Variants in DHRSX observed in about 807,000 individuals in gnomAD.
The protein encoded by DHRSX is dehydrogenase/reductase X-linked.
DHRSX carries 31 observed loss-of-function variants against 34.0 expected under a neutral mutation model. The observed-to-expected ratio is 0.91, with a 90% CI of 0.69 to 1.23. The LOEUF (loss-of-function observed/expected upper bound fraction) is 1.23, where lower values mean the gene tolerates loss of function less well. Among genes scored for constraint, DHRSX ranks in the 50% most tolerant of loss-of-function variants. DHRSX has a pLI of 0.00. For missense variants in DHRSX, 414 were observed against 428.1 expected (o/e 0.97, Z 0.29); for synonymous variants, 201 against 183.8 (o/e 1.09, Z -0.76).
At chrX:2,291,187 T>A (rs1455652688) in intron 4 of DHRSX, among the ~76,000 whole-genome samples, 2 of 152,166 alleles carry the variant, frequency 1.3e-5, no homozygotes, top group East Asian at 3.8e-4. Context: ...GTGGTGATGG[T>A]TTTGTAAGAT....
At chrX:2,418,204 T>C (rs1479949482) in intron 2 of DHRSX, among the ~76,000 whole-genome samples, 2 of 151,418 alleles carry the variant, frequency 1.3e-5, no homozygotes, top group Non-Finnish European at 3.0e-5. Flanking sequence ...AATCAAACCA[T>C]ACCTCATAAT....
intron 4 of DHRSX, among the ~76,000 whole-genome samples, chrX:2,289,932 C>T (rs1319114180): frequency 3.3e-5 from 5 of 152,214 alleles, no homozygotes; most frequent in Admixed American, 6.5e-5. Flanking sequence ...ACTGATAATA[C>T]GATGTTTCTT....
intron 2 of DHRSX, among the ~76,000 whole-genome samples, chrX:2,413,202 G>A (rs1426305002): frequency 6.6e-6 from 1 of 151,982 alleles, no homozygotes; most frequent in African/African-American, 2.4e-5. Context: ...TCAAAAAAAA[G>A]AAAGAAAGAA....
chrX:2,347,514 C>T (rs1311758159), intron 3 of DHRSX, among the ~76,000 whole-genome samples: 1 of 152,160 alleles, frequency 6.6e-6, no homozygotes, highest in Non-Finnish European at 1.5e-5. Flanking sequence ...GCCAATTTGG[C>T]AAAAGCCCGT....
chrX:2,283,013 G>C (rs972284026), intron 4 of DHRSX, among the ~76,000 whole-genome samples: 1 of 151,398 alleles, frequency 6.6e-6, no homozygotes, highest in South Asian at 2.1e-4. Context: ...TGGAAAGAGA[G>C]AATGACAGAG....
chrX:2,384,839 G>A (rs1415025837), intron 3 of DHRSX, among the ~76,000 whole-genome samples: 9 of 151,308 alleles, frequency 5.9e-5, no homozygotes, highest in African/African-American at 9.7e-5. Context: ...GCAGCACACC[G>A]GCATGGCACA....
At chrX:2,247,905 T>C (rs2016336496) in intron 5 of DHRSX, among the ~76,000 whole-genome samples, 1 of 151,768 alleles carries the variant, frequency 6.6e-6, no homozygotes, top group African/African-American at 2.4e-5. Flanking sequence ...CCAAGGTGGG[T>C]CCCGAAAACC....
intron 3 of DHRSX, among the ~76,000 whole-genome samples, chrX:2,394,093 A>C (rs2043378421): frequency 6.6e-6 from 1 of 152,196 alleles, no homozygotes. Context: ...GGGTTGGCAG[A>C]TGCAGGGGGA....
At chrX:2,330,092 GGGAGGGAGGGA>G (rs1364953790) in intron 3 of DHRSX, among the ~76,000 whole-genome samples, 25 of 10,726 alleles carry the variant, frequency 2.3e-3, no homozygotes, top group South Asian at 7.5e-3. Flanking sequence ...GGGGGGGGGG[GGGAGGGAGGGA>G]GAGAGAGAGA....
intron 1 of DHRSX, chrX:2,487,887 C>G (rs1386844707): frequency 5.3e-5 from 8 of 151,912 alleles, no homozygotes; most frequent in Non-Finnish European, 8.8e-5. Context: ...TCCCTGCTTG[C>G]ACGAGAATGT....
intron 1 of DHRSX, among the ~76,000 whole-genome samples, chrX:2,440,703 G>T (rs1005528101): frequency 6.6e-6 from 1 of 152,036 alleles, no homozygotes; most frequent in Non-Finnish European, 1.5e-5. Flanking sequence ...TTTGCCAGGG[G>T]CTCCTGGACC....
At chrX:2,457,193 T>C (rs889994134) in intron 1 of DHRSX, among the ~76,000 whole-genome samples, 43 of 152,132 alleles carry the variant, frequency 2.8e-4, no homozygotes, top group Admixed American at 4.6e-4. Flanking sequence ...AGACGTTTTC[T>C]AAGAATGTGG....
rs192730564 is a variant in DHRSX, at chrX:2,489,190, G to A, written c.109+11627C>T. The A allele has an allele frequency of 5.6e-5, 90 of 1,613,706 alleles. 1 individual carries two copies. Among genetic ancestry groups the A allele is most frequent in the East Asian group, 3.1e-4 (14 of 44,878 alleles). On this transcript the variant is annotated intron_variant, in intron 1 of 6. Transcript: ENST00000334651. ...TGTCCTCAGCCGGCCGGTAGCCGCC[G>A]TCTTTGACCTTGTCCAGCAGGCCCT...
intron 3 of DHRSX, among the ~76,000 whole-genome samples, chrX:2,390,732 A>T (rs180978022): frequency 2.0e-5 from 3 of 152,216 alleles, no homozygotes; most frequent in Non-Finnish European, 4.4e-5. Context: ...GGAATCCTAC[A>T]GTATTTGTCC....
intron 3 of DHRSX, among the ~76,000 whole-genome samples, chrX:2,293,689 G>T (rs1411307965): frequency 6.6e-6 from 1 of 152,142 alleles, no homozygotes; most frequent in Non-Finnish European, 1.5e-5. Context: ...CTGCAGGGCT[G>T]CTGGTGGTCA....
chrX:2,290,900 A>G (rs1398954933), intron 4 of DHRSX, among the ~76,000 whole-genome samples: 1 of 152,220 alleles, frequency 6.6e-6, no homozygotes, highest in East Asian at 1.9e-4. Context: ...GAGGAGAAAC[A>G]TTAAGTGTTG....
At chrX:2,335,290 G>C (rs1161568609) in intron 3 of DHRSX, among the ~76,000 whole-genome samples, 1 of 151,982 alleles carries the variant, frequency 6.6e-6, no homozygotes, top group African/African-American at 2.4e-5. Context: ...CAGGGCACAC[G>C]CTGGTTTTAT....
At chrX:2,464,548 A>AC (rs1288296526) in intron 1 of DHRSX, among the ~76,000 whole-genome samples, 1 of 144,254 alleles carries the variant, frequency 6.9e-6, no homozygotes, top group Non-Finnish European at 1.5e-5. Context: ...TGGGTAAGGG[A>AC]CCCCCGCCAT....
At chrX:2,421,716 A>AT (rs1382532546) in intron 2 of DHRSX, among the ~76,000 whole-genome samples, 13 of 152,136 alleles carry the variant, frequency 8.5e-5, no homozygotes, top group African/African-American at 2.9e-4. Flanking sequence ...TGCCATGGAG[A>AT]TTTTTGGAGA....
Sources: allele counts gnomAD v4.1 joint callset (sites outside exome capture counted in the v4.1 genomes callset), GRCh38; gene constraint gnomAD v4.1.1; transcripts MANE v1.5; gene names NCBI Gene and HGNC (gene_info 2026-07-23, HGNC 2026-07-21).